The following ADGRV1 variants were observed in gnomAD, a reference collection of about 807,000 sequenced individuals.
The protein encoded by ADGRV1 is adhesion G protein-coupled receptor V1.
A neutral mutation model predicts 596.2 loss-of-function variants in ADGRV1; 359 were observed. The observed-to-expected ratio is 0.60, with a 90% confidence interval of 0.55 to 0.66. ADGRV1 has a LOEUF of 0.66. ADGRV1 is among the 30% of genes least tolerant of loss of function. ADGRV1 has a pLI of 0.00. For missense variants in ADGRV1, 7,274 were observed against 7,575.6 expected (o/e 0.96, Z 1.48); for synonymous variants, 2,681 against 2,679.2 (o/e 1.00, Z -0.02).
chr5:90,789,989 C>A, intron 69 of ADGRV1, 138 bp downstream of exon 69: 1 of 525,802 alleles, frequency 1.9e-6, no homozygotes, highest in Non-Finnish European at 3.0e-6. Flanking sequence ...GAAACAGAGG[C>A]TTTATTTAAA....
At chr5:91,054,378 A>G (rs1356508835) in intron 85 of ADGRV1, among the ~76,000 whole-genome samples, 2 of 152,280 alleles carry the variant, frequency 1.3e-5, no homozygotes, top group South Asian at 2.1e-4. Context: ...AAAAAGATCT[A>G]GTCCCTCTTT....
chr5:90,792,477 A>G (rs953523006), intron 70 of ADGRV1: 7 of 152,212 alleles, frequency 4.6e-5, no homozygotes, highest in African/African-American at 1.4e-4. Flanking sequence ...TTAGTGAGAC[A>G]TGGGTTTCAT....
chr5:90,857,891 T>C (rs899942861), intron 82 of ADGRV1, among the ~76,000 whole-genome samples: 6 of 152,228 alleles, frequency 3.9e-5, no homozygotes, highest in African/African-American at 1.4e-4. Context: ...GGCTAGTACT[T>C]TTCCTGAAAT....
At chr5:91,144,791 G>A (rs76850268) in intron 87 of ADGRV1, among the ~76,000 whole-genome samples, 2,448 of 152,296 alleles carry the variant, frequency 0.016, 75 homozygotes, top group African/African-American at 0.057. Context: ...GTAAGGTATT[G>A]TTGTATTTGT....
At chr5:90,614,064 C>T (rs571349229) in intron 1 of ADGRV1, among the ~76,000 whole-genome samples, 5 of 150,814 alleles carry the variant, frequency 3.3e-5, no homozygotes, top group Non-Finnish European at 4.4e-5. Flanking sequence ...TTCAGGAGAC[C>T]ACTGCACTGT....
intron 85 of ADGRV1, among the ~76,000 whole-genome samples, chr5:91,007,061 C>G (rs1250219408): frequency 6.6e-6 from 1 of 152,202 alleles, no homozygotes; most frequent in African/African-American, 2.4e-5. Context: ...CCAATATACC[C>G]AATGCAAGAG....
chr5:90,970,887 T>C (rs1423452423), intron 84 of ADGRV1, among the ~76,000 whole-genome samples: 3 of 152,094 alleles, frequency 2.0e-5, no homozygotes, highest in South Asian at 2.1e-4. Flanking sequence ...GAAGAAGGCA[T>C]GAGATGATCA....
intron 85 of ADGRV1, among the ~76,000 whole-genome samples, chr5:91,020,536 T>C (rs767461443): frequency 5.1e-4 from 77 of 152,120 alleles, no homozygotes; most frequent in Middle Eastern, 3.4e-3. Context: ...CACTAGGAAA[T>C]GACAGAGTCA....
chr5:90,870,196 A>G lies in ADGRV1; in HGVS notation c.17856+6339A>G, dbSNP rs1215486882. On this transcript the variant is annotated intron_variant, in intron 83 of 89. Coordinates refer to ENST00000405460, the MANE Select transcript of ADGRV1 (RefSeq NM_032119.4). ...GGTTGGGTAGAGAACCTGTGTATAT[A>G]GAATACATATAACTAATGTCATTAA... is the stretch of plus-strand genomic sequence containing the variant. 3.3e-5 allele frequency among the ~76,000 whole-genome samples: 5 copies of G among 152,212 alleles called. No individual in the cohort carries two copies. In the East Asian group the frequency reaches 9.6e-4, roughly 29 times the overall value.
chr5:90,686,007 C>T lies in ADGRV1; in HGVS notation c.6490+12C>T. 6.5e-6 allele frequency: 10 copies of T among 1,543,874 alleles called. No individual in the cohort carries two copies. Among genetic ancestry groups the T allele is most frequent in the Non-Finnish European group, 8.8e-6 (10 of 1,137,852 alleles). ...AACTGCAATAGCTGGTAAGAAAAGA[C>T]ATCTAAAAAGCAGTACATACAGAGG... On this transcript the variant is annotated intron_variant, in intron 29 of 89. Transcript: ENST00000405460.
chr5:90,911,963 T>C (rs1466803149), intron 83 of ADGRV1, among the ~76,000 whole-genome samples: 1 of 152,020 alleles, frequency 6.6e-6, no homozygotes, highest in African/African-American at 2.4e-5. Flanking sequence ...AAGCAGCATG[T>C]CAGGTCTGCA....
intron 84 of ADGRV1, among the ~76,000 whole-genome samples, chr5:90,969,212 T>C (rs1778737044): frequency 6.6e-6 from 1 of 152,218 alleles, no homozygotes; most frequent in Admixed American, 6.5e-5. Context: ...TGAATTAATG[T>C]ATAGAATGAA....
At chr5:90,818,483 G>A (rs1292241787) in intron 75 of ADGRV1, among the ~76,000 whole-genome samples, 1 of 150,304 alleles carries the variant, frequency 6.7e-6, no homozygotes, top group Non-Finnish European at 1.5e-5. Context: ...GGGCATCCCT[G>A]TCTTGTGCCA....
intron 43 of ADGRV1, among the ~76,000 whole-genome samples, chr5:90,718,900 A>T (rs1307437561): frequency 6.6e-6 from 1 of 152,084 alleles, no homozygotes; most frequent in Non-Finnish European, 1.5e-5. Flanking sequence ...GATTAAATAA[A>T]TTTTTTAACC....
At chr5:91,035,861 T>TAATATATATATA in intron 85 of ADGRV1, among the ~76,000 whole-genome samples, 6 of 96,398 alleles carry the variant, frequency 6.2e-5, no homozygotes, top group African/African-American at 7.6e-5. Flanking sequence ...TATATATATA[T>TAATATATATATA]TATATATATA....
rs1240661223 is a variant in ADGRV1, at chr5:90,703,777, A to G, written c.8268A>G (p.Gly2756=). 1.9e-6 allele frequency: 3 copies of G among 1,598,430 alleles called. No individual in the cohort carries two copies. In the African/African-American group the frequency reaches 4.0e-5, roughly 21 times the overall value. ...NLELNFANFS[G]QLFFPEGSLN... is the part of the protein sequence containing the mutation. ...AACTCAATTTTGCTAACTTTAGCGG[A>G]CAACTTTTCTTTCCTGAGGTAATAC... The change falls in exon 35 of 90, where the codon GGA becomes GGG. Residue 2756 remains glycine, a synonymous_variant. Coordinates refer to ENST00000405460, the MANE Select transcript of ADGRV1 (RefSeq NM_032119.4).
At chr5:91,088,489 A>G (rs974472287) in intron 86 of ADGRV1, among the ~76,000 whole-genome samples, 13 of 152,206 alleles carry the variant, frequency 8.5e-5, no homozygotes, top group Non-Finnish European at 5.9e-5. Flanking sequence ...TTTATTAAAC[A>G]TGAAATTGAA....
intron 87 of ADGRV1, among the ~76,000 whole-genome samples, chr5:91,127,597 T>G (rs548655060): frequency 6.6e-6 from 1 of 151,832 alleles, no homozygotes; most frequent in East Asian, 1.9e-4. Context: ...AGGGATCACT[T>G]AAAGACTTTA....
intron 58 of ADGRV1, among the ~76,000 whole-genome samples, chr5:90,760,668 C>T (rs534326142): frequency 4.1e-4 from 63 of 152,158 alleles, no homozygotes; most frequent in Non-Finnish European, 5.0e-4. Context: ...AGTCACCCCC[C>T]ACCCAGCTCA....
Sources: allele counts gnomAD v4.1 joint callset (sites outside exome capture counted in the v4.1 genomes callset), GRCh38; gene constraint gnomAD v4.1.1; transcripts MANE v1.5; gene names NCBI Gene and HGNC (gene_info 2026-07-23, HGNC 2026-07-21).